The following CACNA1C variants were observed in gnomAD, a reference collection of about 807,000 sequenced individuals.
The protein encoded by CACNA1C is voltage-dependent L-type calcium channel subunit alpha-1C.
In CACNA1C, 30 loss-of-function variants were observed where a neutral mutation model predicts 229.0. The ratio of observed to expected loss-of-function variants is 0.13; its 90% confidence interval spans 0.10 to 0.18. The LOEUF is 0.18. Among genes scored for constraint, CACNA1C ranks in the 10% least tolerant of loss-of-function variants. The pLI is 1.00. For synonymous variants in CACNA1C, 1,114 were observed against 1,132.5 expected, an observed-to-expected ratio of 0.98 and a Z score of 0.33; for missense variants, 1,658 against 2,845.0, an observed-to-expected ratio of 0.58 and a Z score of 9.49.
intron 3 of CACNA1C, among the ~76,000 whole-genome samples, chr12:2,129,785 C>G (rs1368912426): frequency 2.6e-5 from 4 of 152,150 alleles, no homozygotes; most frequent in African/African-American, 9.7e-5. Flanking sequence ...TTGGGATGTG[C>G]CTTTCATGCA....
chr12:2,437,016 A>G (rs114326389), intron 3 of CACNA1C, among the ~76,000 whole-genome samples: 1,886 of 152,364 alleles, frequency 0.012, 35 homozygotes, highest in African/African-American at 0.043. Flanking sequence ...ACGAGAGATC[A>G]TAGTGCTTTT....
intron 5 of CACNA1C, among the ~76,000 whole-genome samples, chr12:2,465,223 G>A (rs1453009281): frequency 2.6e-5 from 4 of 152,184 alleles, no homozygotes; most frequent in Non-Finnish European, 5.9e-5. Flanking sequence ...TCATTCTCAA[G>A]AGACAACAAA....
At chr12:2,150,702 T>G (rs1323327958) in intron 3 of CACNA1C, among the ~76,000 whole-genome samples, 1 of 152,230 alleles carries the variant, frequency 6.6e-6, no homozygotes, top group Non-Finnish European at 1.5e-5. Flanking sequence ...CATGGGTGTT[T>G]TGAAGACAAT....
intron 9 of CACNA1C, among the ~76,000 whole-genome samples, chr12:2,545,069 G>A (rs1242205950): frequency 1.3e-5 from 2 of 152,242 alleles, no homozygotes; most frequent in East Asian, 1.9e-4. Flanking sequence ...GAAGTGCTTT[G>A]GAGCTTCTTC....
intron 1 of CACNA1C, among the ~76,000 whole-genome samples, chr12:1,978,296 AAAGTACTG>A (rs1158733241): frequency 2.6e-5 from 4 of 152,208 alleles, no homozygotes; most frequent in Admixed American, 6.5e-5. Context: ...ATGTTGGTTT[AAAGTACTG>A]AAGATGTGTT....
At chr12:2,402,638 TC>T (rs2098692406) in intron 3 of CACNA1C, among the ~76,000 whole-genome samples, 1 of 152,202 alleles carries the variant, frequency 6.6e-6, no homozygotes, top group African/African-American at 2.4e-5. Flanking sequence ...GACCTATAAA[TC>T]TTCAAGTGCA....
intron 1 of CACNA1C, among the ~76,000 whole-genome samples, chr12:2,015,585 G>A (rs899856741): frequency 3.3e-5 from 5 of 152,194 alleles, no homozygotes; most frequent in Admixed American, 2.0e-4. Flanking sequence ...AGAGCCTAGG[G>A]CGAAAGTTCT....
intron 7 of CACNA1C, among the ~76,000 whole-genome samples, chr12:2,500,828 G>A (rs535276929): frequency 1.6e-4 from 24 of 152,314 alleles, no homozygotes; most frequent in African/African-American, 4.1e-4. Flanking sequence ...GCTGTCTGCA[G>A]GATGCTGTGT....
chr12:2,377,272 T>C (rs1348848782), intron 3 of CACNA1C, among the ~76,000 whole-genome samples: 1 of 152,146 alleles, frequency 6.6e-6, no homozygotes, highest in East Asian at 1.9e-4. Context: ...CCCGTTCTGT[T>C]TGTGAGCACA....
intron 3 of CACNA1C, among the ~76,000 whole-genome samples, chr12:2,151,642 C>T (rs2095275947): frequency 6.6e-6 from 1 of 152,066 alleles, no homozygotes; most frequent in East Asian, 1.9e-4. Context: ...GGGCAGAGAG[C>T]CAGGTTTGCA....
intron 8 of CACNA1C, among the ~76,000 whole-genome samples, chr12:2,508,394 A>G (rs557919258): frequency 9.9e-5 from 15 of 152,242 alleles, no homozygotes; most frequent in South Asian, 2.1e-4. Flanking sequence ...GCTCATGCCT[A>G]TAATCCCAGT....
At chr12:2,448,849 C>T (rs2099326414) in intron 3 of CACNA1C, 127 bp from the exon 4 acceptor site, 1 of 717,740 alleles carries the variant, frequency 1.4e-6, no homozygotes, top group Non-Finnish European at 2.2e-6. Context: ...CTGGGTGTCC[C>T]CACTTGGTTC....
At position 2,323,831 on chromosome 12, in the gene CACNA1C, G is replaced by A. The variant is rs1428816351; in HGVS notation, c.478-125145G>A. Among the ~76,000 whole-genome samples the A allele has an allele frequency of 1.0e-4, 15 of 149,248 alleles. No homozygotes were observed. The East Asian group carries it at 2.9e-3, about 29-fold the overall frequency. ...CGTGCAGGGAGGAGCTTTTGGTGGGGGAGGGGGTTGGGGCAGGGACCTCTG... is the reference window on the plus strand; with the variant it reads ...CGTGCAGGGAGGAGCTTTTGGTGGGAGAGGGGGTTGGGGCAGGGACCTCTG... On this transcript the variant is annotated intron_variant, in intron 3 of 46. Coordinates refer to ENST00000399655, the MANE Select transcript of CACNA1C (RefSeq NM_000719.7).
chr12:2,648,245 G>A (rs1485950704), intron 30 of CACNA1C, among the ~76,000 whole-genome samples: 1 of 152,196 alleles, frequency 6.6e-6, no homozygotes, highest in Non-Finnish European at 1.5e-5. Flanking sequence ...AAAGGGCATA[G>A]GTAGGAGAAT....
chr12:2,128,021 C>T (rs1168768731), intron 3 of CACNA1C, among the ~76,000 whole-genome samples: 1 of 152,170 alleles, frequency 6.6e-6, no homozygotes, highest in Admixed American at 6.5e-5. Flanking sequence ...ATGGCTGTAT[C>T]CCCAGTGCTT....
intron 3 of CACNA1C, among the ~76,000 whole-genome samples, chr12:2,335,072 A>G (rs1324701178): frequency 6.6e-6 from 1 of 152,112 alleles, no homozygotes; most frequent in Non-Finnish European, 1.5e-5. Context: ...CCTCAACCCT[A>G]TTCTGAGATG....
chr12:2,107,708 G>A (rs1472326079), intron 1 of CACNA1C, among the ~76,000 whole-genome samples: 1 of 152,248 alleles, frequency 6.6e-6, no homozygotes, highest in Non-Finnish European at 1.5e-5. Context: ...ACTCTCTTAT[G>A]CTTTGAAAAT....
At chr12:1,989,726 A>T (rs2038866967) in intron 1 of CACNA1C, among the ~76,000 whole-genome samples, 1 of 152,256 alleles carries the variant, frequency 6.6e-6, no homozygotes, top group Non-Finnish European at 1.5e-5. Flanking sequence ...TTGAAAAAGC[A>T]AGAAAAGAAA....
chr12:2,192,809 C>T (rs1196062529), intron 3 of CACNA1C, among the ~76,000 whole-genome samples: 11 of 151,772 alleles, frequency 7.2e-5, no homozygotes, highest in African/African-American at 1.9e-4. Context: ...TGCTGTGATA[C>T]GTGTAGTGTG....
Sources: allele counts gnomAD v4.1 joint callset (sites outside exome capture counted in the v4.1 genomes callset), GRCh38; gene constraint gnomAD v4.1.1; transcripts MANE v1.5; gene names NCBI Gene and HGNC (gene_info 2026-07-23, HGNC 2026-07-21).